Variants in BRD8 observed in about 807,000 individuals in gnomAD.
The protein encoded by BRD8 is bromodomain containing 8.
In BRD8, 67 loss-of-function variants were observed where a neutral mutation model predicts 143.1. The observed-to-expected ratio is 0.47, with a 90% CI of 0.38 to 0.57. The LOEUF is 0.57. Among genes scored for constraint, BRD8 ranks in the 20% least tolerant of loss-of-function variants. The pLI is 0.00. For synonymous variants in BRD8, 505 were observed against 517.1 expected (o/e 0.98, Z 0.32); for missense variants, 1,103 against 1,503.0 (o/e 0.73, Z 4.40).
chr5:138,178,444 T>C, intron 1 of BRD8, 152 bp downstream of exon 1: 1 of 758,360 alleles, frequency 1.3e-6, no homozygotes, highest in Non-Finnish European at 2.3e-6. Flanking sequence ...CCCCCAAACG[T>C]TGGTCTTCAC....
intron 11 of BRD8, among the ~76,000 whole-genome samples, chr5:138,165,430 G>T (rs569557406): frequency 1.3e-5 from 2 of 152,258 alleles, no homozygotes; most frequent in African/African-American, 4.8e-5. Flanking sequence ...AATTCTTACT[G>T]TAAGAAGCAA....
At chr5:138,176,860 G>A (rs539323961) in intron 2 of BRD8, among the ~76,000 whole-genome samples, 11 of 151,942 alleles carry the variant, frequency 7.2e-5, no homozygotes, top group East Asian at 3.9e-4. Context: ...TAGGTTGGGC[G>A]GATCGCTCGA....
At chr5:138,173,335 T>C (rs555246830) in intron 2 of BRD8, among the ~76,000 whole-genome samples, 5 of 151,446 alleles carry the variant, frequency 3.3e-5, no homozygotes, top group Non-Finnish European at 7.4e-5. Context: ...GAGGTGGAGG[T>C]TGCAGTGAGC....
intron 20 of BRD8, chr5:138,157,570 G>A (rs1432476372): frequency 8.2e-6 from 3 of 367,306 alleles, no homozygotes; most frequent in Admixed American, 4.2e-5. Context: ...CATGTGCAAA[G>A]GAGCAGGAGA....
rs149340641 is a variant in BRD8, at chr5:138,154,012, C to G, written c.2578-1252G>C. On this transcript the variant is annotated intron_variant, in intron 20 of 26. Coordinates refer to ENST00000254900, the MANE Select transcript of BRD8 (RefSeq NM_139199.2). ...TTCTTAGTCTACAGAACCCACAATTCTGTTTTGACCCTTCCTTCTCTTATA... is the reference window on the plus strand; with the variant it reads ...TTCTTAGTCTACAGAACCCACAATTGTGTTTTGACCCTTCCTTCTCTTATA... 3.7e-3 allele frequency among the ~76,000 whole-genome samples: 563 copies of G among 152,286 alleles called. 3 individuals carry two copies. The highest frequency in any genetic ancestry group is 0.013 in the African/African-American group (535 of 41,574).
intron 20 of BRD8, chr5:138,157,030 C>G: frequency 6.9e-7 from 1 of 1,453,950 alleles, no homozygotes; most frequent in Non-Finnish European, 9.0e-7. Context: ...ATGGTTTCTG[C>G]CCTAAAACAG....
chr5:138,169,450 G>GGTAT, intron 7 of BRD8, 92 bp from the exon 8 acceptor site: 2 of 1,391,746 alleles, frequency 1.4e-6, no homozygotes, highest in Non-Finnish European at 2.0e-6. Context: ...AGGACAAATA[G>GGTAT]GTATGTTGCA....
chr5:138,170,264 A>G, intron 7 of BRD8, 81 bp downstream of exon 7: 1 of 974,838 alleles, frequency 1.0e-6, no homozygotes, highest in Non-Finnish European at 1.7e-6. Context: ...AATGTATTCT[A>G]TGTTACAAAA....
chr5:138,140,599 C>G, intron 26 of BRD8, 106 bp downstream of exon 26: 1 of 1,325,156 alleles, frequency 7.5e-7, no homozygotes, highest in Non-Finnish European at 1.1e-6. Flanking sequence ...GCCTTAATCA[C>G]CTTTAAAAAT....
chr5:138,140,543 G>T, intron 26 of BRD8, 162 bp downstream of exon 26: 1 of 781,554 alleles, frequency 1.3e-6, no homozygotes, highest in Non-Finnish European at 2.1e-6. Context: ...GACTTACTGA[G>T]GCTCAGGGTT....
intron 2 of BRD8, among the ~76,000 whole-genome samples, chr5:138,174,156 T>TTGTGTGTGTG (rs56254005): frequency 6.0e-5 from 9 of 149,492 alleles, no homozygotes; most frequent in African/African-American, 1.7e-4. Flanking sequence ...CAGTATTCCA[T>TTGTGTGTGTG]TGTGTGTGTG....
chr5:138,161,372 C>T (rs1463760761), intron 17 of BRD8: 1 of 297,340 alleles, frequency 3.4e-6, no homozygotes, highest in Non-Finnish European at 6.2e-6. Flanking sequence ...CTTCCAGGCT[C>T]AAGCAATCCT....
rs774321309 is a variant in BRD8 at position 138,171,082 on chromosome 5, A to C, written c.315T>G (p.Val105=). 15 of 1,613,902 alleles carry C rather than the reference A, an allele frequency of 9.3e-6. No individual in the cohort carries two copies. Among genetic ancestry groups the C allele is most frequent in the Non-Finnish European group, 1.3e-5 (15 of 1,180,000 alleles). ...CCTTTATCACTTTCTTTAGTTCTTC[A>C]ACTCGCTCAGCAGTCAATTTCCGAA... ...VIVRKLTAER[V]EELKKVIKET... The change falls in exon 5 of 27, where the codon GTT becomes GTG. Residue 105 remains valine (V), a synonymous_variant. Coordinates refer to ENST00000254900, the MANE Select transcript of BRD8 (RefSeq NM_139199.2).
At chr5:138,147,496 A>T (rs1472019039) in intron 23 of BRD8, among the ~76,000 whole-genome samples, 6 of 152,028 alleles carry the variant, frequency 3.9e-5, no homozygotes, top group Non-Finnish European at 8.8e-5. Flanking sequence ...GAAAAAGAAC[A>T]ATTTATTTAT....
intron 23 of BRD8, among the ~76,000 whole-genome samples, chr5:138,146,795 C>T (rs1309306811): frequency 1.3e-5 from 2 of 151,270 alleles, no homozygotes; most frequent in Non-Finnish European, 2.9e-5. Flanking sequence ...GGTGAAACCC[C>T]GTTTCTACTA....
intron 11 of BRD8, among the ~76,000 whole-genome samples, 177 bp downstream of exon 11, chr5:138,165,651 G>A (rs1753343902): frequency 6.6e-6 from 1 of 151,610 alleles, no homozygotes; most frequent in Non-Finnish European, 1.5e-5. Flanking sequence ...ACTTGAGGCT[G>A]GGAGGCAGAG....
Position 138,165,950 on chromosome 5 carries a change from G to C in BRD8, c.1156C>G (p.Pro386Ala), listed in dbSNP as rs1163991083. ...AATTCTTCCTTCCCATCTATGCTGG[G>C]AGCCTTTGATCCAACAGGAGCCTCT... ...VAEAPVGSKA[P>A]SIDGKEELDL... The change falls in exon 11 of 27, where the codon CCC (proline) becomes GCC (alanine). Residue 386 changes from proline to alanine, a missense_variant. By Grantham distance (27) the Pro-to-Ala change is conservative. Around this residue, in one of 7 missense-constraint regions of BRD8, gnomAD observed 334 missense variants for 372.5 expected, o/e 0.90. Coordinates refer to ENST00000254900, the MANE Select transcript of BRD8 (RefSeq NM_139199.2). The C allele has an allele frequency of 1.9e-6, 3 of 1,613,992 alleles. No individual in the cohort carries two copies. The highest frequency in any genetic ancestry group is 4.5e-5 in the East Asian group (2 of 44,896).
rs1404536858 is a variant in BRD8 at position 138,140,102 on chromosome 5, G to C, written c.3680C>G (p.Pro1227Arg). Residue 1227 changes from proline to arginine, a missense_variant, in exon 27 of 27, where the codon CCA becomes CGA. Physicochemically the swap from Pro to Arg is moderately radical, Grantham distance 103 (BLOSUM62 -2). Around this residue, in one of 7 missense-constraint regions of BRD8, gnomAD observed 369 missense variants for 445.5 expected, o/e 0.83. Coordinates refer to ENST00000254900, the MANE Select transcript of BRD8 (RefSeq NM_139199.2). ...SSSLEGEPAN[P>R]VDDGKPVF ...GAAAACAGGTTTTCCATCATCCACT[G>C]GGTTAGCTGGTTCTCCTTCCAGACT... The C allele has an allele frequency of 1.6e-5, 26 of 1,613,644 alleles. No homozygotes were observed. The highest frequency in any genetic ancestry group is 2.0e-5 in the Non-Finnish European group (24 of 1,179,754).
At chr5:138,163,951 C>T in intron 14 of BRD8, 136 bp downstream of exon 14, 1 of 1,038,450 alleles carries the variant, frequency 9.6e-7, no homozygotes, top group Non-Finnish European at 1.4e-6. Context: ...CTGTCTACTG[C>T]AGCTTTTCCC....
Sources: gnomAD v4.1 joint callset for allele counts (sites outside exome capture counted in the v4.1 genomes callset) on GRCh38, gnomAD v4.1.1 for gene constraint, gnomAD v4.1.1 regional missense constraint, MANE v1.5 for transcripts, NCBI Gene and HGNC (gene_info 2026-07-23, HGNC 2026-07-21) for gene names.